ASXL2: variants seen among roughly 807,000 people sequenced by gnomAD.
ASXL2 encodes the protein ASXL transcriptional regulator 2.
ASXL2 carries 23 observed loss-of-function variants against 122.0 expected under a neutral mutation model. The ratio of observed to expected loss-of-function variants is 0.19; its 90% confidence interval spans 0.14 to 0.27. The LOEUF (loss-of-function observed/expected upper bound fraction) is 0.27, where lower values mean the gene tolerates loss of function less well. Among genes scored for constraint, ASXL2 ranks in the 10% least tolerant of loss-of-function variants. The pLI is 1.00. For missense variants in ASXL2, 1,518 were observed against 1,713.8 expected (o/e 0.89, Z 2.02); for synonymous variants, 650 against 637.0 (o/e 1.02, Z -0.31).
intron 3 of ASXL2, among the ~76,000 whole-genome samples, chr2:25,812,384 T>C (rs111238740): frequency 0.056 from 8,475 of 152,014 alleles, 327 homozygotes; most frequent in Non-Finnish European, 0.085. Flanking sequence ...CTCTTGAAAC[T>C]GGGAGGTGGA....
chr2:25,827,630 C>T (rs1206079014), intron 3 of ASXL2, among the ~76,000 whole-genome samples: 1 of 152,142 alleles, frequency 6.6e-6, no homozygotes, highest in Non-Finnish European at 1.5e-5. Flanking sequence ...TTGATTCATC[C>T]ACACTTCAAT....
chr2:25,783,646 A>G (rs954700889), intron 5 of ASXL2, among the ~76,000 whole-genome samples: 1 of 152,042 alleles, frequency 6.6e-6, no homozygotes, highest in African/African-American at 2.4e-5. Context: ...ACTGCCTTCC[A>G]GACTGGACAC....
Position 25,767,651 on chromosome 2 carries a change from A to G in ASXL2, c.707T>C (p.Val236Ala). Reference protein sequence around the residue: ...QNSNSSFSSSVKVENTLLGLG... With the variant: ...QNSNSSFSSSAKVENTLLGLG... ...GCCTAGTAAAGTATTTTCCACTTTA[A>G]CTGAGGAAGAAAAGCTGGAGTTTGA... The change falls in exon 8 of 13, where the codon GTT becomes GCT. Residue 236 changes from valine to alanine, a missense_variant. This residue lies in a region of ASXL2 where 198 missense variants were observed against 209.0 expected (regional missense o/e 0.95). Transcript: ENST00000435504. 1 of 1,613,998 alleles carries G rather than the reference A, an allele frequency of 6.2e-7. No homozygotes were observed. Among genetic ancestry groups the G allele is most frequent in the African/African-American group, 1.3e-5 (1 of 75,072 alleles).
intron 3 of ASXL2, among the ~76,000 whole-genome samples, chr2:25,829,876 G>A (rs1366600744): frequency 2.0e-5 from 3 of 152,136 alleles, no homozygotes; most frequent in East Asian, 1.9e-4. Flanking sequence ...AACACCTCCC[G>A]CTCTCACAAG....
intron 5 of ASXL2, among the ~76,000 whole-genome samples, chr2:25,787,460 G>T (rs1164381207): frequency 6.6e-6 from 1 of 152,068 alleles, no homozygotes; most frequent in Non-Finnish European, 1.5e-5. Context: ...CTCTATCATG[G>T]GTAATACAGT....
At chr2:25,856,363 C>CTTT (rs70950127) in intron 1 of ASXL2, 5,333 of 232,254 alleles carry the variant, frequency 0.023, 674 homozygotes, top group South Asian at 0.029. Context: ...CTGGCCTATA[C>CTTT]TTTTTTTTTT....
At chr2:25,839,614 CTTTTTTTTTT>C (rs35346359) in intron 2 of ASXL2, among the ~76,000 whole-genome samples, 3 of 106,948 alleles carry the variant, frequency 2.8e-5, no homozygotes, top group Non-Finnish European at 3.6e-5. Flanking sequence ...GAAATTCTAT[CTTTTTTTTTT>C]TTTTTTTTTT....
At chr2:25,772,387 A>G (rs184773771) in intron 5 of ASXL2, among the ~76,000 whole-genome samples, 1 of 152,298 alleles carries the variant, frequency 6.6e-6, no homozygotes, top group East Asian at 1.9e-4. Flanking sequence ...AAAAGGCCCA[A>G]ATAGCAAAAT....
At chr2:25,871,835 G>C (rs944180935) in intron 1 of ASXL2, among the ~76,000 whole-genome samples, 1 of 152,224 alleles carries the variant, frequency 6.6e-6, no homozygotes, top group African/African-American at 2.4e-5. Flanking sequence ...CAAGCAAAAA[G>C]TGTTACATCA....
intron 1 of ASXL2, among the ~76,000 whole-genome samples, chr2:25,862,149 A>G (rs1452927818): frequency 6.6e-6 from 1 of 152,250 alleles, no homozygotes; most frequent in Non-Finnish European, 1.5e-5. Context: ...TAATGCATTA[A>G]TCCTAACTTA....
chr2:25,859,097 G>T (rs186805671), intron 1 of ASXL2, among the ~76,000 whole-genome samples: 1 of 152,038 alleles, frequency 6.6e-6, no homozygotes, highest in East Asian at 2.0e-4. Flanking sequence ...TTACAGGTGT[G>T]AGCCACCACG....
chr2:25,799,944 A>T (rs2088969778), intron 4 of ASXL2, among the ~76,000 whole-genome samples: 1 of 151,446 alleles, frequency 6.6e-6, no homozygotes, highest in African/African-American at 2.4e-5. Flanking sequence ...CAGGAGTTCA[A>T]GACCAGCCTG....
At chr2:25,768,104 G>C (rs1481770658) in intron 7 of ASXL2, among the ~76,000 whole-genome samples, 1 of 152,130 alleles carries the variant, frequency 6.6e-6, no homozygotes, top group Non-Finnish European at 1.5e-5. Context: ...AGGCCTTACA[G>C]ACATGTCCAA....
At chr2:25,809,309 G>A (rs79892701) in intron 3 of ASXL2, among the ~76,000 whole-genome samples, 1 of 142,262 alleles carries the variant, frequency 7.0e-6, no homozygotes, top group Non-Finnish European at 1.6e-5. Context: ...AAAAAAAAAA[G>A]AAATAACATT....
At chr2:25,771,861 C>T (rs1345093520) in intron 5 of ASXL2, among the ~76,000 whole-genome samples, 3 of 152,188 alleles carry the variant, frequency 2.0e-5, no homozygotes, top group Non-Finnish European at 2.9e-5. Context: ...GCCTTTAAGA[C>T]AGTATCTATG....
chr2:25,778,990 CAAGAA>C (rs1401525588), intron 5 of ASXL2, among the ~76,000 whole-genome samples: 8 of 149,604 alleles, frequency 5.3e-5, no homozygotes, highest in Non-Finnish European at 8.9e-5. Flanking sequence ...GTGGCTAGAA[CAAGAA>C]AAGAAGTCAT....
At chr2:25,764,721 CTTTG>C (rs1452474117) in intron 8 of ASXL2, among the ~76,000 whole-genome samples, 1 of 152,120 alleles carries the variant, frequency 6.6e-6, no homozygotes, top group Non-Finnish European at 1.5e-5. Flanking sequence ...GAAGCAACAG[CTTTG>C]TTTGCTTTTC....
chr2:25,758,535 G>A (rs1055993264), intron 9 of ASXL2, among the ~76,000 whole-genome samples: 5 of 152,112 alleles, frequency 3.3e-5, no homozygotes, highest in African/African-American at 1.2e-4. Context: ...AGATCAGAAG[G>A]GGGAGTGACT....
intron 2 of ASXL2, among the ~76,000 whole-genome samples, chr2:25,839,911 TG>T (rs2089558494): frequency 6.6e-6 from 1 of 151,640 alleles, no homozygotes; most frequent in Non-Finnish European, 1.5e-5. Context: ...TTCTTTTTTT[TG>T]TAAAGACAAG....
Sources: gnomAD v4.1 joint callset for allele counts (sites outside exome capture counted in the v4.1 genomes callset) on GRCh38, gnomAD v4.1.1 for gene constraint, gnomAD v4.1.1 regional missense constraint, MANE v1.5 for transcripts, NCBI Gene and HGNC (gene_info 2026-07-23, HGNC 2026-07-21) for gene names.